Variants in GRM7 observed in about 807,000 individuals in gnomAD.
GRM7 encodes the protein glutamate metabotropic receptor 7.
Under a neutral mutation model 84.5 loss-of-function variants are expected in GRM7, and 35 were observed. That is an observed-to-expected ratio of 0.41 (90% CI 0.32 to 0.55). The LOEUF (loss-of-function observed/expected upper bound fraction) is 0.55. GRM7 is among the 20% of genes least tolerant of loss of function. The probability of loss-of-function intolerance (pLI) is 0.19; values close to 1 mark genes in which losing one functional copy is unlikely to be tolerated. For missense variants in GRM7, 1,003 were observed against 1,194.6 expected (o/e 0.84, Z 2.36); for synonymous variants, 487 against 455.1 (o/e 1.07, Z -0.89).
At chr3:6,950,755 G>T (rs961100798) in intron 1 of GRM7, among the ~76,000 whole-genome samples, 1 of 152,214 alleles carries the variant, frequency 6.6e-6, no homozygotes, top group African/African-American at 2.4e-5. Flanking sequence ...CTGAGCAATG[G>T]CAGGCGCCCC....
intron 9 of GRM7, among the ~76,000 whole-genome samples, chr3:7,733,283 A>G (rs576242729): frequency 1.7e-4 from 26 of 152,318 alleles, no homozygotes; most frequent in Non-Finnish European, 2.5e-4. Flanking sequence ...CTGAAGAGTG[A>G]GGAGGGCAGA....
intron 8 of GRM7, among the ~76,000 whole-genome samples, chr3:7,602,352 A>C (rs1481407978): frequency 6.6e-6 from 1 of 152,160 alleles, no homozygotes; most frequent in Non-Finnish European, 1.5e-5. Flanking sequence ...AATGAACACC[A>C]AAATTTAACA....
chr3:7,693,460 A>G (rs1483701174), intron 9 of GRM7, among the ~76,000 whole-genome samples: 1 of 152,120 alleles, frequency 6.6e-6, no homozygotes, highest in Non-Finnish European at 1.5e-5. Context: ...GTCTGAGCTG[A>G]AAATTTGATT....
At chr3:7,192,112 G>A (rs1695729231) in intron 2 of GRM7, among the ~76,000 whole-genome samples, 1 of 152,132 alleles carries the variant, frequency 6.6e-6, no homozygotes. Flanking sequence ...GCTGGATGAT[G>A]TGGGGGATAG....
At chr3:7,139,236 A>C (rs537037238) in intron 1 of GRM7, among the ~76,000 whole-genome samples, 1 of 151,674 alleles carries the variant, frequency 6.6e-6, no homozygotes, top group East Asian at 1.9e-4. Context: ...ACGTTTTGTC[A>C]TATTTTCTTT....
chr3:7,642,981 G>T (rs1247449363), intron 8 of GRM7, among the ~76,000 whole-genome samples: 1 of 152,116 alleles, frequency 6.6e-6, no homozygotes, highest in Non-Finnish European at 1.5e-5. Context: ...CTGAGAGACA[G>T]GCTAGTTTAG....
At chr3:7,698,546 C>G (rs534483477) in intron 9 of GRM7, among the ~76,000 whole-genome samples, 1 of 152,174 alleles carries the variant, frequency 6.6e-6, no homozygotes, top group Non-Finnish European at 1.5e-5. Context: ...AACCAATGGA[C>G]TACCTCCCAG....
chr3:7,395,038 CAAAA>C (rs33944777), intron 4 of GRM7, among the ~76,000 whole-genome samples: 74 of 135,824 alleles, frequency 5.4e-4, no homozygotes, highest in Admixed American at 8.4e-4. Flanking sequence ...AACTCTGTCT[CAAAA>C]AAAAAAAAAA....
rs145891309 is a variant in GRM7, at chr3:7,168,618, A to C, written c.736+21950A>C. 8.6e-4 allele frequency among the ~76,000 whole-genome samples: 131 copies of C among 152,284 alleles called. 1 individual carries two copies. The highest frequency in any genetic ancestry group is 3.1e-3 in the African/African-American group (130 of 41,554). On this transcript the variant is annotated intron_variant, in intron 2 of 9. Coordinates refer to ENST00000357716, the MANE Select transcript of GRM7 (RefSeq NM_000844.4). ...TGTTGTTTAAGCCCTTCAATGTATG[A>C]CATTTTGTTATAGCAGCCCAAGCAA...
intron 2 of GRM7, among the ~76,000 whole-genome samples, chr3:7,155,460 A>G (rs1267189212): frequency 1.3e-5 from 2 of 152,084 alleles, no homozygotes; most frequent in African/African-American, 4.8e-5. Flanking sequence ...TATTCATTAA[A>G]ACAGAGGCAT....
At chr3:7,167,597 T>C (rs547533791) in intron 2 of GRM7, among the ~76,000 whole-genome samples, 1 of 152,246 alleles carries the variant, frequency 6.6e-6, no homozygotes, top group Admixed American at 6.5e-5. Flanking sequence ...CAATGGGTCC[T>C]TCGGAATCTT....
intron 4 of GRM7, among the ~76,000 whole-genome samples, chr3:7,397,176 G>T (rs547736539): frequency 6.6e-6 from 1 of 152,120 alleles, no homozygotes; most frequent in Non-Finnish European, 1.5e-5. Flanking sequence ...ACAAGATAAA[G>T]AAGAAACAAA....
intron 4 of GRM7, among the ~76,000 whole-genome samples, chr3:7,327,477 T>C (rs1385979607): frequency 1.3e-5 from 2 of 152,186 alleles, no homozygotes; most frequent in East Asian, 1.9e-4. Flanking sequence ...CAAAGAAATA[T>C]TGATTCTAAA....
At chr3:7,152,893 A>T (rs951706273) in intron 2 of GRM7, among the ~76,000 whole-genome samples, 2 of 152,224 alleles carry the variant, frequency 1.3e-5, no homozygotes, top group African/African-American at 4.8e-5. Flanking sequence ...GCTAGGGTAC[A>T]GTCATTAATT....
intron 9 of GRM7, among the ~76,000 whole-genome samples, chr3:7,726,336 T>A (rs1350443087): frequency 1.3e-5 from 2 of 152,030 alleles, no homozygotes; most frequent in Non-Finnish European, 1.5e-5. Context: ...AGACGGTCAC[T>A]GTCATCTACC....
At chr3:7,049,398 T>C (rs1306421338) in intron 1 of GRM7, among the ~76,000 whole-genome samples, 1 of 151,994 alleles carries the variant, frequency 6.6e-6, no homozygotes, top group African/African-American at 2.4e-5. Flanking sequence ...AACTCTCTTT[T>C]ATAAAACCAT....
intron 1 of GRM7, among the ~76,000 whole-genome samples, chr3:6,982,946 G>A (rs536338559): frequency 9.2e-5 from 14 of 152,148 alleles, no homozygotes; most frequent in African/African-American, 2.4e-4. Flanking sequence ...AAGCACTCAC[G>A]TTGAGAATTT....
chr3:7,420,732 A>G (rs1696359030), intron 5 of GRM7, among the ~76,000 whole-genome samples: 1 of 152,162 alleles, frequency 6.6e-6, no homozygotes, highest in Non-Finnish European at 1.5e-5. Context: ...AATTATTAAG[A>G]ATCTTTGCTG....
At chr3:6,902,299 C>T (rs1696416517) in intron 1 of GRM7, among the ~76,000 whole-genome samples, 1 of 152,020 alleles carries the variant, frequency 6.6e-6, no homozygotes, top group Non-Finnish European at 1.5e-5. Flanking sequence ...TGACAGCTAT[C>T]CAAATTGCAA....
Sources: gnomAD v4.1 joint callset for allele counts (sites outside exome capture counted in the v4.1 genomes callset) on GRCh38, gnomAD v4.1.1 for gene constraint, MANE v1.5 for transcripts, NCBI Gene and HGNC (gene_info 2026-07-23, HGNC 2026-07-21) for gene names.